The following TNS1 variants were observed in gnomAD, a reference collection of about 807,000 sequenced individuals.
TNS1 encodes the protein tensin-1.
In TNS1, 62 loss-of-function variants were observed where a neutral mutation model predicts 168.6. The observed-to-expected ratio is 0.37, with a 90% CI of 0.30 to 0.45. The LOEUF is 0.45. Ranked by LOEUF, TNS1 falls within the 20% of genes least tolerant of loss-of-function variation. The pLI is 1.00. For synonymous variants in TNS1, 934 were observed against 933.2 expected (o/e 1.00, Z -0.02); for missense variants, 2,240 against 2,339.4 (o/e 0.96, Z 0.88).
At chr2:217,944,266 G>A (rs1957044897) in intron 3 of TNS1, 1 of 152,442 alleles carries the variant, frequency 6.6e-6, no homozygotes. Flanking sequence ...AGACACCTGG[G>A]GCAGGAGATC....
chr2:218,026,159 T>C (rs1003987363), intron 1 of TNS1, among the ~76,000 whole-genome samples: 6 of 152,202 alleles, frequency 3.9e-5, no homozygotes, highest in Admixed American at 1.3e-4. Flanking sequence ...TCCCACACTA[T>C]ACTAAATGCT....
intron 22 of TNS1, among the ~76,000 whole-genome samples, chr2:217,824,998 C>T (rs1471906159): frequency 6.6e-6 from 1 of 152,184 alleles, no homozygotes; most frequent in East Asian, 1.9e-4. Context: ...GATCCTTACC[C>T]TCCAGCCCCA....
At chr2:218,020,995 A>G (rs1196936009) in intron 1 of TNS1, among the ~76,000 whole-genome samples, 1 of 152,188 alleles carries the variant, frequency 6.6e-6, no homozygotes, top group Non-Finnish European at 1.5e-5. Context: ...CGAAACAAGA[A>G]CAGGAGGCTA....
chr2:217,902,854 T>G (rs188988544), intron 6 of TNS1, among the ~76,000 whole-genome samples: 174 of 152,280 alleles, frequency 1.1e-3, no homozygotes, highest in African/African-American at 4.1e-3. Flanking sequence ...TGACGGGGCT[T>G]CCTGTTTTCT....
At chr2:218,027,194 C>T (rs544843168) in intron 1 of TNS1, among the ~76,000 whole-genome samples, 19 of 152,290 alleles carry the variant, frequency 1.2e-4, no homozygotes, top group African/African-American at 4.3e-4. Flanking sequence ...CCTACACCCC[C>T]CTGTCGTCTT....
chr2:217,848,426 A>G lies in TNS1; in HGVS notation c.2091T>C (p.Ala697=), dbSNP rs1336727821. The G allele has an allele frequency of 1.9e-5, 30 of 1,606,730 alleles. No homozygotes were observed. Among genetic ancestry groups the G allele is most frequent in the Non-Finnish European group, 2.5e-5 (29 of 1,175,672 alleles). ...ESASRAGPAH[A]GHTAPMRPSY... ...AGGGCCGCATGGGGGCCGTGTGGCC[A>G]GCATGGGCAGGCCCCGCCCGGCTGG... is the stretch of plus-strand genomic sequence containing the variant. Residue 697 remains alanine, a synonymous_variant, in exon 19 of 33, where the codon GCT becomes GCC. Coordinates refer to ENST00000682258, the MANE Select transcript of TNS1 (RefSeq NM_001387777.1).
intron 18 of TNS1, among the ~76,000 whole-genome samples, chr2:217,858,067 C>G (rs1174321651): frequency 8.5e-5 from 13 of 152,192 alleles, no homozygotes; most frequent in Admixed American, 8.5e-4. Flanking sequence ...CCCCAAAGCT[C>G]AGGCCAAAGA....
intron 1 of TNS1, among the ~76,000 whole-genome samples, chr2:218,016,623 G>T (rs949938485): frequency 1.3e-5 from 2 of 152,180 alleles, no homozygotes; most frequent in African/African-American, 4.8e-5. Context: ...CTGTGATAAG[G>T]GCTGATGGCC....
chr2:217,914,459 A>C (rs986245071), intron 4 of TNS1, among the ~76,000 whole-genome samples: 1 of 152,156 alleles, frequency 6.6e-6, no homozygotes, highest in Non-Finnish European at 1.5e-5. Context: ...TTCCATCAGC[A>C]TGGTGCCTTA....
intron 1 of TNS1, among the ~76,000 whole-genome samples, chr2:218,015,717 C>A (rs940905216): frequency 3.9e-5 from 6 of 152,134 alleles, no homozygotes; most frequent in Non-Finnish European, 7.4e-5. Context: ...ACTTCCATCA[C>A]CACCCAGCAG....
chr2:217,954,755 C>T (rs1957319965), intron 3 of TNS1, among the ~76,000 whole-genome samples: 2 of 152,194 alleles, frequency 1.3e-5, no homozygotes, highest in African/African-American at 2.4e-5. Flanking sequence ...CTCCTTCCAC[C>T]ATCCAGCCTC....
chr2:217,910,753 CACACACACAA>C (rs1954301031), intron 4 of TNS1, among the ~76,000 whole-genome samples: 1 of 151,390 alleles, frequency 6.6e-6, no homozygotes, highest in Non-Finnish European at 1.5e-5. Flanking sequence ...CACACACACA[CACACACACAA>C]CCATCCTTGC....
intron 23 of TNS1, among the ~76,000 whole-genome samples, chr2:217,819,183 G>A (rs1363188138): frequency 1.3e-5 from 2 of 152,166 alleles, no homozygotes; most frequent in Admixed American, 1.3e-4. Flanking sequence ...GAGTAGCCCT[G>A]TCTTGACTCA....
intron 1 of TNS1, among the ~76,000 whole-genome samples, chr2:218,022,378 G>C (rs1046680813): frequency 2.0e-5 from 3 of 152,158 alleles, no homozygotes; most frequent in Admixed American, 6.5e-5. Flanking sequence ...ACTCAGCCTT[G>C]GTCTGGGAGG....
intron 19 of TNS1, chr2:217,841,369 C>A: frequency 9.3e-6 from 6 of 643,276 alleles, no homozygotes; most frequent in Non-Finnish European, 1.2e-5. Flanking sequence ...AGGCACCCCA[C>A]CAACAGCACA....
chr2:217,819,532 C>A (rs1942484353), intron 23 of TNS1, among the ~76,000 whole-genome samples: 1 of 152,178 alleles, frequency 6.6e-6, no homozygotes. Context: ...GACTCTGAAA[C>A]AACTCAGTTC....
At chr2:217,838,405 A>C (rs572592032) in intron 19 of TNS1, among the ~76,000 whole-genome samples, 1 of 152,348 alleles carries the variant, frequency 6.6e-6, no homozygotes, top group South Asian at 2.1e-4. Flanking sequence ...TCCTGGCATG[A>C]GGCAGTCAGC....
At chr2:217,941,821 A>T (rs1384099464) in intron 3 of TNS1, among the ~76,000 whole-genome samples, 1 of 152,134 alleles carries the variant, frequency 6.6e-6, no homozygotes, top group Admixed American at 6.5e-5. Flanking sequence ...CTCTTCCTTC[A>T]CCTGAGCCAA....
intron 3 of TNS1, among the ~76,000 whole-genome samples, chr2:217,958,168 C>A (rs1232285667): frequency 6.6e-6 from 1 of 152,204 alleles, no homozygotes. Context: ...CAAGACCATA[C>A]CTTCTATCAC....
Sources: gnomAD v4.1 joint callset for allele counts (sites outside exome capture counted in the v4.1 genomes callset) on GRCh38, gnomAD v4.1.1 for gene constraint, MANE v1.5 for transcripts, NCBI Gene and HGNC (gene_info 2026-07-23, HGNC 2026-07-21) for gene names.